CNTNAP3B: variants seen among roughly 807,000 people sequenced by gnomAD.
CNTNAP3B encodes the protein contactin associated protein family member 3B.
In CNTNAP3B, 25 loss-of-function variants were observed where a neutral mutation model predicts 108.9. That is an observed-to-expected ratio of 0.23 (90% confidence interval 0.17 to 0.32). CNTNAP3B has a LOEUF of 0.32. Among genes scored for constraint, CNTNAP3B ranks in the 10% least tolerant of loss-of-function variants. CNTNAP3B has a pLI of 1.00. For missense variants in CNTNAP3B, 252 were observed against 1,210.4 expected, an observed-to-expected ratio of 0.21 and a Z score of 11.75; for synonymous variants, 103 against 473.4, an observed-to-expected ratio of 0.22 and a Z score of 10.16.
At position 42,072,935 on chromosome 9, in the gene CNTNAP3B, T is replaced by C. The variant is rs1340292477; in HGVS notation, c.390+3934A>G. ...TGGTAATCACATATGTTACTATTTT[T>C]GCAATAAAACATATGAATATTCACA... On this transcript the variant is annotated intron_variant, in intron 3 of 23. Coordinates refer to ENST00000377561, the MANE Select transcript of CNTNAP3B (RefSeq NM_001201380.3). 1.5e-5 allele frequency among the ~76,000 whole-genome samples: 2 copies of C among 137,888 alleles called. 1 individual carries two copies. The highest frequency in any genetic ancestry group is 3.1e-5 in the Non-Finnish European group (2 of 64,648). The allele number at this position is 137,888 out of a possible 152,430, so 90.5% of individuals were successfully genotyped here. A position where few individuals can be genotyped will look rare whatever the true frequency, so the allele number is the denominator to read the frequency against.
chr9:42,120,726 A>G (rs1271857449), intron 1 of CNTNAP3B, among the ~76,000 whole-genome samples: 1 of 132,726 alleles, frequency 7.5e-6, no homozygotes, highest in Non-Finnish European at 1.6e-5. Context: ...GCAAGGACAA[A>G]AAACCAAACA....
In CNTNAP3B at chr9:41,953,312, G is replaced by C. The variant is rs1234847970; in HGVS notation, c.1951C>G (p.Pro651Ala). 6.5e-7 allele frequency: 1 copy of C among 1,539,356 alleles called. No homozygotes were observed. Among genetic ancestry groups the C allele is most frequent in the Non-Finnish European group, 8.7e-7 (1 of 1,150,912 alleles). Residue 651 changes from proline (P) to alanine (A), a missense_variant, in exon 13 of 24, where the codon CCG becomes GCG. By Grantham distance (27) the Pro-to-Ala change is conservative. Transcript: ENST00000377561. ...VTLRGAPSGH[P>A]LSAVSFAYAA... is the part of the protein sequence containing the mutation. ...TACGCGAAGGACACAGCCGAGAGCG[G>C]GTGCCCGCTGGGGGCACCTCGGAGG...
chr9:41,968,287 C>T (rs1368485088), intron 10 of CNTNAP3B, among the ~76,000 whole-genome samples: 17 of 143,618 alleles, frequency 1.2e-4, no homozygotes, highest in African/African-American at 2.4e-4. Flanking sequence ...AGTGTGGGCC[C>T]ATGGGACATT....
chr9:41,982,496 CA>C (rs1825649246), intron 9 of CNTNAP3B, among the ~76,000 whole-genome samples: 1 of 126,578 alleles, frequency 7.9e-6, no homozygotes, highest in African/African-American at 3.4e-5. Context: ...AAATGCATAT[CA>C]AAACCACAAT....
chr9:41,930,138 G>A (rs1426603301), intron 14 of CNTNAP3B, among the ~76,000 whole-genome samples: 2 of 152,276 alleles, frequency 1.3e-5, no homozygotes, highest in African/African-American at 2.4e-5. Flanking sequence ...CTTTGTAAAT[G>A]CAAAATGAGT....
chr9:41,954,777 G>A (rs1251165901), intron 12 of CNTNAP3B, among the ~76,000 whole-genome samples: 2 of 152,376 alleles, frequency 1.3e-5, no homozygotes, highest in Non-Finnish European at 2.9e-5. Context: ...TCTGCCTCCT[G>A]GGTTCAAGCA....
intron 17 of CNTNAP3B, among the ~76,000 whole-genome samples, chr9:41,920,620 T>C (rs77524286): frequency 1.1e-3 from 171 of 151,774 alleles, no homozygotes; most frequent in Non-Finnish European, 1.6e-3. Context: ...AAATACATAA[T>C]ATAAACCACA....
intron 2 of CNTNAP3B, among the ~76,000 whole-genome samples, chr9:42,079,505 T>C (rs555248784): frequency 8.3e-6 from 1 of 120,140 alleles, no homozygotes; most frequent in African/African-American, 3.4e-5. Flanking sequence ...TTTTAAGGGG[T>C]TTTGTTTTGT....
intron 1 of CNTNAP3B, among the ~76,000 whole-genome samples, chr9:42,118,019 T>C (rs1374997952): frequency 1.5e-5 from 2 of 132,544 alleles, no homozygotes; most frequent in African/African-American, 6.0e-5. Context: ...GGCTCTGAAA[T>C]TGAGGCAATA....
intron 13 of CNTNAP3B, among the ~76,000 whole-genome samples, chr9:41,949,762 T>C (rs1195792276): frequency 2.6e-5 from 4 of 152,112 alleles, no homozygotes; most frequent in African/African-American, 9.6e-5. Context: ...AAGGTAAAAC[T>C]ATAAAACTTT....
intron 13 of CNTNAP3B, among the ~76,000 whole-genome samples, chr9:41,950,140 A>C (rs1281404995): frequency 1.9e-5 from 2 of 103,534 alleles, no homozygotes; most frequent in African/African-American, 7.3e-5. Context: ...CATATAAAAC[A>C]TGCTCAATAT....
intron 9 of CNTNAP3B, among the ~76,000 whole-genome samples, chr9:41,981,744 A>G (rs1825632185): frequency 2.3e-5 from 1 of 43,044 alleles, no homozygotes; most frequent in Non-Finnish European, 4.4e-5. Context: ...TCAACTCAAG[A>G]TGGATTAAAG....
intron 12 of CNTNAP3B, chr9:41,960,218 T>G (rs558722874): frequency 6.0e-6 from 1 of 165,452 alleles, no homozygotes; most frequent in East Asian, 1.8e-4. Context: ...CAGGATGGTC[T>G]CGATCTCTCG....
intron 3 of CNTNAP3B, among the ~76,000 whole-genome samples, chr9:42,056,652 A>G (rs1827078882): frequency 7.2e-6 from 1 of 138,330 alleles, no homozygotes; most frequent in Admixed American, 7.2e-5. Flanking sequence ...GCCAAGCATT[A>G]TCTCATAAAT....
At chr9:41,931,224 G>T (rs1257520538) in intron 14 of CNTNAP3B, among the ~76,000 whole-genome samples, 1 of 152,256 alleles carries the variant, frequency 6.6e-6, no homozygotes, top group Admixed American at 6.5e-5. Context: ...ACATATACTG[G>T]GGGCACATGT....
At chr9:41,938,666 T>A (rs1824234201) in intron 13 of CNTNAP3B, among the ~76,000 whole-genome samples, 1 of 152,292 alleles carries the variant, frequency 6.6e-6, no homozygotes, top group Non-Finnish European at 1.5e-5. Context: ...ACGTGATACA[T>A]ACTTTCTATA....
At chr9:42,043,655 GAT>G (rs1352329238) in intron 3 of CNTNAP3B, among the ~76,000 whole-genome samples, 2 of 43,652 alleles carry the variant, frequency 4.6e-5, no homozygotes, top group Admixed American at 5.7e-4. Flanking sequence ...TTATTTGTAA[GAT>G]AAAAGTAAAG....
chr9:42,045,620 G>A (rs1826855880), intron 3 of CNTNAP3B, among the ~76,000 whole-genome samples: 1 of 146,632 alleles, frequency 6.8e-6, no homozygotes, highest in South Asian at 2.2e-4. Flanking sequence ...GTTCACTGCA[G>A]CATTATCCAC....
At chr9:42,054,736 G>C (rs1186683633) in intron 3 of CNTNAP3B, among the ~76,000 whole-genome samples, 1 of 151,488 alleles carries the variant, frequency 6.6e-6, no homozygotes, top group Non-Finnish European at 1.5e-5. Context: ...GAATTTGAAG[G>C]CTATTTATTT....
Sources: gnomAD v4.1 joint callset for allele counts (sites outside exome capture counted in the v4.1 genomes callset) on GRCh38, gnomAD v4.1.1 for gene constraint, MANE v1.5 for transcripts, NCBI Gene and HGNC (gene_info 2026-07-23, HGNC 2026-07-21) for gene names.